The following GLI3 variants were observed in gnomAD, a reference collection of about 807,000 sequenced individuals.
GLI3 encodes the protein transcription activator GLI3.
GLI3 carries 20 observed loss-of-function variants against 100.8 expected under a neutral mutation model. The ratio of observed to expected loss-of-function variants is 0.20; its 90% CI spans 0.14 to 0.29. The LOEUF is 0.29. Ranked by LOEUF, GLI3 falls within the 10% of genes least tolerant of loss-of-function variation. The pLI is 1.00. For missense variants in GLI3, 2,040 were observed against 2,128.5 expected (o/e 0.96, Z 0.82); for synonymous variants, 938 against 860.5 (o/e 1.09, Z -1.58).
rs187102430 is a variant in GLI3, at chr7:42,168,604, A to T, written c.125-20136T>A. Among the ~76,000 whole-genome samples, 53 of 152,252 alleles carry T rather than the reference A, an allele frequency of 3.5e-4. 1 individual carries two copies. In the East Asian group the frequency reaches 8.9e-3, roughly 26 times the overall value. ...CCAAGGAGAAGAAGCCAGACACAAA[A>T]AGAAAACAAATCTATAAAGTTCGAA... is the stretch of plus-strand genomic sequence containing the variant. On this transcript the variant is annotated intron_variant, in intron 2 of 14. Coordinates refer to ENST00000395925, the MANE Select transcript of GLI3 (RefSeq NM_000168.6).
At chr7:42,259,566 T>A (rs1789118694) in intron 1 of GLI3, among the ~76,000 whole-genome samples, 1 of 152,210 alleles carries the variant, frequency 6.6e-6, no homozygotes, top group South Asian at 2.1e-4. Context: ...GTTCACAATG[T>A]ATTGTTTTGT....
intron 3 of GLI3, among the ~76,000 whole-genome samples, chr7:42,110,580 TCAAAAACAC>T (rs572280059): frequency 5.8e-4 from 88 of 152,126 alleles, no homozygotes; most frequent in Non-Finnish European, 1.1e-3. Context: ...AGAACAGAGG[TCAAAAACAC>T]ATGCCCTGCA....
chr7:41,970,389 C>T (rs1787333815), intron 13 of GLI3, among the ~76,000 whole-genome samples: 1 of 152,090 alleles, frequency 6.6e-6, no homozygotes, highest in Non-Finnish European at 1.5e-5. Context: ...ATAATATCTG[C>T]TGTGGAAATG....
intron 2 of GLI3, among the ~76,000 whole-genome samples, chr7:42,206,778 G>T (rs966854832): frequency 2.6e-4 from 39 of 152,126 alleles, no homozygotes; most frequent in African/African-American, 6.7e-4. Flanking sequence ...TACAGAAAAA[G>T]AACCTAAAAT....
chr7:42,252,692 T>G (rs1789046669), intron 1 of GLI3, among the ~76,000 whole-genome samples: 1 of 152,166 alleles, frequency 6.6e-6, no homozygotes, highest in Non-Finnish European at 1.5e-5. Flanking sequence ...AAGAAGATAC[T>G]AATATAAAAT....
Position 41,984,489 on chromosome 7 carries a change from A to G in GLI3, c.1498-5741T>C, listed in dbSNP as rs117587713. 2.6e-4 allele frequency among the ~76,000 whole-genome samples: 39 copies of G among 152,288 alleles called. 1 individual carries two copies. The East Asian group carries it at 7.2e-3, about 28-fold the overall frequency. ...TTCTAAGTGACTTCTTCAGAATGCT[A>G]CCACAAGGCTCAAATGTGTGTGTGC... On this transcript the variant is annotated intron_variant, in intron 10 of 14. Coordinates refer to ENST00000395925, the MANE Select transcript of GLI3 (RefSeq NM_000168.6).
rs1027745536 is a variant in GLI3, at chr7:42,145,767, A to G, written c.367+2459T>C. ...AAGAGAAGGAAAAAAAGAGGAGGAG[A>G]AGGAGGAAGAGAAAGCAGAGAAGAA... On this transcript the variant is annotated intron_variant, in intron 3 of 14. Coordinates refer to ENST00000395925, the MANE Select transcript of GLI3 (RefSeq NM_000168.6). 6.6e-5 allele frequency among the ~76,000 whole-genome samples: 10 copies of G among 152,262 alleles called. No individual in the cohort carries two copies. The South Asian group carries it at 1.9e-3, about 28-fold the overall frequency.
intron 10 of GLI3, among the ~76,000 whole-genome samples, chr7:42,002,786 A>G (rs1355824525): frequency 6.6e-6 from 1 of 152,222 alleles, no homozygotes; most frequent in East Asian, 1.9e-4. Context: ...TAAGAAGCCA[A>G]CTTGGCTCTC....
intron 3 of GLI3, among the ~76,000 whole-genome samples, chr7:42,087,557 A>G (rs1785128663): frequency 6.6e-6 from 1 of 152,188 alleles, no homozygotes; most frequent in Admixed American, 6.5e-5. Flanking sequence ...GCCCTTTCCC[A>G]TCAGAGAAAC....
chr7:41,978,562 G>A, intron 11 of GLI3, 37 bp downstream of exon 11: 1 of 1,608,060 alleles, frequency 6.2e-7, no homozygotes, highest in Non-Finnish European at 8.5e-7. Flanking sequence ...GTATGGGGAA[G>A]GACCCAAGTG....
chr7:41,965,113 C>T lies in GLI3; in HGVS notation c.3960G>A (p.Gln1320=). The T allele has an allele frequency of 6.2e-7, 1 of 1,613,766 alleles. No individual in the cohort carries two copies. The highest frequency in any genetic ancestry group is 8.5e-7 in the Non-Finnish European group (1 of 1,179,962). Reference sequence around the variant, plus strand: ...CGAGGAGCTGGTGAGCCAGGTACCCCTGTCCCACTGGGTCCTGGTTCTGCA... The same window carrying T: ...CGAGGAGCTGGTGAGCCAGGTACCCTTGTCCCACTGGGTCCTGGTTCTGCA... ...NGMQNQDPVG[Q]GYLAHQLLGD... Residue 1320 remains glutamine (Q), a synonymous_variant, in exon 15 of 15, where the codon CAG becomes CAA. Coordinates refer to ENST00000395925, the MANE Select transcript of GLI3 (RefSeq NM_000168.6).
intron 2 of GLI3, among the ~76,000 whole-genome samples, chr7:42,194,001 G>A (rs961107756): frequency 2.6e-5 from 4 of 152,106 alleles, no homozygotes; most frequent in African/African-American, 7.2e-5. Flanking sequence ...AGCAAATAAT[G>A]TAAGTCAGTA....
intron 10 of GLI3, among the ~76,000 whole-genome samples, chr7:41,981,224 A>G (rs1246269694): frequency 6.6e-6 from 1 of 152,182 alleles, no homozygotes; most frequent in Non-Finnish European, 1.5e-5. Context: ...GACTGCCACC[A>G]CTTGGCATGG....
chr7:42,045,340 C>T, intron 6 of GLI3, 44 bp downstream of exon 6: 2 of 1,578,956 alleles, frequency 1.3e-6, no homozygotes, highest in East Asian at 2.2e-5. Context: ...ATAAAGTTGC[C>T]TTTGCCATTT....
At chr7:42,062,043 G>C (rs1784578904) in intron 4 of GLI3, among the ~76,000 whole-genome samples, 1 of 152,138 alleles carries the variant, frequency 6.6e-6, no homozygotes, top group Non-Finnish European at 1.5e-5. Flanking sequence ...AAATGTCTAT[G>C]ATGTGCAAGA....
chr7:41,992,389 A>G (rs1411200994), intron 10 of GLI3, among the ~76,000 whole-genome samples: 1 of 152,234 alleles, frequency 6.6e-6, no homozygotes, highest in Non-Finnish European at 1.5e-5. Flanking sequence ...AACATATCAT[A>G]GTGGAGATGC....
At chr7:42,191,106 A>C (rs765841093) in intron 2 of GLI3, among the ~76,000 whole-genome samples, 4,706 of 152,304 alleles carry the variant, frequency 0.031, 108 homozygotes, top group Non-Finnish European at 0.047. Context: ...GTTCAATGTT[A>C]CATAAAACAG....
intron 1 of GLI3, among the ~76,000 whole-genome samples, chr7:42,253,736 A>G (rs1318955189): frequency 6.6e-6 from 1 of 152,174 alleles, no homozygotes; most frequent in Non-Finnish European, 1.5e-5. Flanking sequence ...GACTTTACAC[A>G]TGAAGTGCTT....
intron 2 of GLI3, among the ~76,000 whole-genome samples, chr7:42,158,043 T>A (rs1257939811): frequency 6.6e-6 from 1 of 152,194 alleles, no homozygotes; most frequent in Non-Finnish European, 1.5e-5. Context: ...TTTAATTATC[T>A]CCTATGCATA....
Sources: gnomAD v4.1 joint callset for allele counts (sites outside exome capture counted in the v4.1 genomes callset) on GRCh38, gnomAD v4.1.1 for gene constraint, MANE v1.5 for transcripts, NCBI Gene and HGNC (gene_info 2026-07-23, HGNC 2026-07-21) for gene names.